LIN54: variants seen among roughly 807,000 people sequenced by gnomAD.
LIN54 encodes the protein protein lin-54 homolog.
Under a neutral mutation model 78.7 loss-of-function variants are expected in LIN54, and 9 were observed. The observed-to-expected ratio is 0.11, with a 90% CI of 0.07 to 0.20. The LOEUF (loss-of-function observed/expected upper bound fraction) is 0.20. Ranked by LOEUF, LIN54 falls within the 10% of genes least tolerant of loss-of-function variation. The pLI is 1.00. For synonymous variants in LIN54, 269 were observed against 318.4 expected (o/e 0.84, Z 1.65); for missense variants, 573 against 889.9 (o/e 0.64, Z 4.53).
chr4:82,982,465 C>G (rs527597261), intron 2 of LIN54, among the ~76,000 whole-genome samples: 1 of 152,244 alleles, frequency 6.6e-6, no homozygotes, highest in South Asian at 2.1e-4. Context: ...CCTGGCCTCA[C>G]AGAATCTGCC....
chr4:82,999,647 A>C (rs529385369), intron 1 of LIN54, among the ~76,000 whole-genome samples: 32 of 151,880 alleles, frequency 2.1e-4, no homozygotes, highest in African/African-American at 7.5e-4. Context: ...GCACGGTGGT[A>C]CACGCCTGTG....
chr4:82,964,177 A>G (rs762300001), intron 4 of LIN54, among the ~76,000 whole-genome samples: 1 of 152,032 alleles, frequency 6.6e-6, no homozygotes, highest in Admixed American at 6.6e-5. Context: ...CAGCCTCCCA[A>G]GTAGCTGGGA....
intron 1 of LIN54, among the ~76,000 whole-genome samples, chr4:83,005,532 C>T (rs535289409): frequency 7.9e-4 from 118 of 149,396 alleles, no homozygotes; most frequent in African/African-American, 2.7e-3. Flanking sequence ...GGCTGAGCTA[C>T]GAGAATCACT....
At chr4:82,988,680 C>G (rs1158250676) in intron 1 of LIN54, among the ~76,000 whole-genome samples, 1 of 152,172 alleles carries the variant, frequency 6.6e-6, no homozygotes, top group Non-Finnish European at 1.5e-5. Flanking sequence ...TATGAGAGTT[C>G]CAGCTGCTGC....
chr4:82,926,406 A>C lies in LIN54; in HGVS notation c.*1696T>G, dbSNP rs1358883736. ...TTTTATAAATCCAAATTTAAAAGGAAGATACTTTAGTGAATAACGGAATCC... is the reference window on the plus strand; with the variant it reads ...TTTTATAAATCCAAATTTAAAAGGACGATACTTTAGTGAATAACGGAATCC... On this transcript the variant is annotated 3_prime_UTR_variant, in exon 13 of 13. Transcript: ENST00000340417. The C allele has an allele frequency of 1.3e-5, 2 of 152,480 alleles. No homozygotes were observed. The highest frequency in any genetic ancestry group is 2.4e-5 in the African/African-American group (1 of 41,406). 9.4% of individuals were successfully genotyped at this position (152,480 alleles called of 1,614,324 possible). A position where few individuals can be genotyped will look rare whatever the true frequency, so the allele number is the denominator to read the frequency against.
At chr4:82,953,623 G>A (rs759252742) in intron 4 of LIN54, among the ~76,000 whole-genome samples, 33 of 152,120 alleles carry the variant, frequency 2.2e-4, no homozygotes, top group Non-Finnish European at 4.3e-4. Context: ...AAGAAAAATA[G>A]ATATCCACTT....
intron 1 of LIN54, among the ~76,000 whole-genome samples, chr4:83,005,296 A>AT (rs79214783): frequency 0.3 from 45,065 of 151,656 alleles, 7,288 homozygotes; most frequent in East Asian, 0.5. Context: ...GAGATTCACA[A>AT]TTTTTTTTTC....
chr4:82,954,096 G>A (rs980643131), intron 4 of LIN54, among the ~76,000 whole-genome samples: 4 of 151,968 alleles, frequency 2.6e-5, no homozygotes, highest in African/African-American at 9.7e-5. Context: ...TTTCAAAATA[G>A]ATAAATATTG....
intron 1 of LIN54, among the ~76,000 whole-genome samples, chr4:83,002,972 T>C (rs1728996088): frequency 6.6e-6 from 1 of 152,174 alleles, no homozygotes; most frequent in African/African-American, 2.4e-5. Context: ...ACCTAGAGCT[T>C]ACTACCAGCA....
At chr4:82,933,974 T>A (rs936093229) in intron 11 of LIN54, among the ~76,000 whole-genome samples, 2 of 152,216 alleles carry the variant, frequency 1.3e-5, no homozygotes, top group African/African-American at 4.8e-5. Flanking sequence ...AATTTTTACA[T>A]ATTCGTGACA....
chr4:82,954,872 T>C (rs1305849986), intron 4 of LIN54, among the ~76,000 whole-genome samples: 1 of 152,144 alleles, frequency 6.6e-6, no homozygotes, highest in Non-Finnish European at 1.5e-5. Context: ...CTCACAGACC[T>C]AAACATAAAG....
At chr4:82,942,860 GCACA>G (rs1214264708) in intron 5 of LIN54, among the ~76,000 whole-genome samples, 1,520 of 38,386 alleles carry the variant, frequency 0.04, 32 homozygotes, top group African/African-American at 0.23. Flanking sequence ...GTGTGCGCGC[GCACA>G]CACACACACA....
intron 12 of LIN54, among the ~76,000 whole-genome samples, chr4:82,930,113 A>G (rs1205892993): frequency 3.3e-5 from 5 of 152,040 alleles, no homozygotes; most frequent in Admixed American, 2.0e-4. Flanking sequence ...TGGCCAGGCT[A>G]GTCTCAAACT....
Position 83,010,783 on chromosome 4 carries a change from C to G in LIN54, c.-332G>C. 3 of 1,234,816 alleles carry G rather than the reference C, an allele frequency of 2.4e-6. No homozygotes were observed. Among genetic ancestry groups the G allele is most frequent in the Non-Finnish European group, 3.0e-6 (3 of 990,534 alleles). 76.5% of individuals were successfully genotyped at this position (1,234,816 alleles called of 1,614,324 possible). A position where few individuals can be genotyped will look rare whatever the true frequency, so the allele number is the denominator to read the frequency against. ...CATCACAGCTCAGCAGCTTCCCCGA[C>G]AGCCGGAGCCCGGGCCGCCGCCGCC... On this transcript the variant is annotated 5_prime_UTR_variant, in exon 1 of 13. Coordinates refer to ENST00000340417, the MANE Select transcript of LIN54 (RefSeq NM_194282.4).
intron 4 of LIN54, among the ~76,000 whole-genome samples, chr4:82,967,327 A>G (rs980790506): frequency 3.9e-5 from 6 of 152,246 alleles, no homozygotes; most frequent in African/African-American, 1.4e-4. Flanking sequence ...GGATAACCTG[A>G]CAGATATCCT....
chr4:82,941,149 G>GATATAT (rs3081913), intron 5 of LIN54, among the ~76,000 whole-genome samples: 9,873 of 130,954 alleles, frequency 0.075, 789 homozygotes, highest in African/African-American at 0.19. Context: ...GAGTTAAGAG[G>GATATAT]ATATATATAT....
intron 3 of LIN54, among the ~76,000 whole-genome samples, chr4:82,971,614 G>A (rs6840986): frequency 0.54 from 82,181 of 151,814 alleles, 24,061 homozygotes; most frequent in East Asian, 0.78. Flanking sequence ...TATCCTAACT[G>A]ATCCAGGCTG....
intron 12 of LIN54, 125 bp from the exon 13 acceptor site, chr4:82,928,428 A>ACACACCAGCAGGATGAGCATCACAG: frequency 3.9e-6 from 3 of 766,844 alleles, no homozygotes; most frequent in Non-Finnish European, 6.6e-6. Flanking sequence ...GAGCATCACA[A>ACACACCAGCAGGATGAGCATCACAG]TTTACACAGT....
At chr4:82,975,509 G>C (rs181762686) in intron 3 of LIN54, among the ~76,000 whole-genome samples, 3 of 150,054 alleles carry the variant, frequency 2.0e-5, no homozygotes, top group Admixed American at 2.0e-4. Flanking sequence ...TTAGGAGTTC[G>C]AGACCAGCCT....
Sources: allele counts gnomAD v4.1 joint callset (sites outside exome capture counted in the v4.1 genomes callset), GRCh38; gene constraint gnomAD v4.1.1; transcripts MANE v1.5; gene names NCBI Gene and HGNC (gene_info 2026-07-23, HGNC 2026-07-21).